Variants in DPYSL2 observed in about 807,000 individuals in gnomAD.
DPYSL2 encodes dihydropyrimidinase-related protein 2.
DPYSL2 carries 13 observed loss-of-function variants against 69.9 expected under a neutral mutation model. The observed-to-expected ratio is 0.19, with a 90% confidence interval of 0.12 to 0.30. The LOEUF (loss-of-function observed/expected upper bound fraction) is 0.30. Ranked by LOEUF, DPYSL2 falls within the 10% of genes least tolerant of loss-of-function variation. The pLI, the probability that DPYSL2 is intolerant of heterozygous loss-of-function variation, is 1.00. For missense variants in DPYSL2, 587 were observed against 918.9 expected (o/e 0.64, Z 4.67); for synonymous variants, 326 against 359.1 (o/e 0.91, Z 1.04).
chr8:26,615,918 A>G (rs1170166976), intron 3 of DPYSL2, among the ~76,000 whole-genome samples: 2 of 152,320 alleles, frequency 1.3e-5, no homozygotes, highest in African/African-American at 4.8e-5. Flanking sequence ...TAAATACTAC[A>G]CAGTGTTTTA....
At chr8:26,651,287 C>A (rs866491943) in intron 11 of DPYSL2, among the ~76,000 whole-genome samples, 1 of 152,198 alleles carries the variant, frequency 6.6e-6, no homozygotes, top group African/African-American at 2.4e-5. Flanking sequence ...TCCGTGTTAC[C>A]AGCCGCTGCA....
chr8:26,611,589 A>G (rs2129854504), intron 3 of DPYSL2, among the ~76,000 whole-genome samples: 1 of 152,342 alleles, frequency 6.6e-6, no homozygotes, highest in South Asian at 2.1e-4. Context: ...TTTCAGATGC[A>G]GAATGCCTGT....
chr8:26,643,088 G>T lies in DPYSL2; in HGVS notation c.1127-351G>T, dbSNP rs1201643974. On this transcript the variant is annotated intron_variant, in intron 8 of 13. Coordinates refer to ENST00000521913, the MANE Select transcript of DPYSL2 (RefSeq NM_001197293.3). This position sits in a 1 kb window ranked among gnomAD's most constrained non-coding sequence, Gnocchi z 6.5. ...TAGGCCATGCATAAAGAACAGTCCA[G>T]ATGGCACCTGGGACCGGATGCCTGG... is the stretch of plus-strand genomic sequence containing the variant. 2 of 234,464 alleles carry T rather than the reference G, an allele frequency of 8.5e-6. No individual in the cohort carries two copies. The highest frequency in any genetic ancestry group is 4.6e-5 in the African/African-American group (2 of 43,490). The allele number at this position is 234,464 out of a possible 1,614,324, so 14.5% of individuals were successfully genotyped here.
rs1245619300 is a variant in DPYSL2, at chr8:26,605,413, G to A, written c.629-18730G>A. The stretch of plus-strand genomic sequence containing the variant: ...TGATTCTCTTGCCTCAGCCTCTCAA[G>A]TAGAGTAGCCAGGATTACATGCACC... On this transcript the variant is annotated intron_variant, in intron 3 of 13. Transcript: ENST00000521913. This position sits in a 1 kb window ranked among gnomAD's most constrained non-coding sequence, Gnocchi z 4.1. 1.3e-5 allele frequency among the ~76,000 whole-genome samples: 2 copies of A among 152,004 alleles called. No individual in the cohort carries two copies. The highest frequency in any genetic ancestry group is 6.6e-5 in the Admixed American group (1 of 15,254).
intron 3 of DPYSL2, among the ~76,000 whole-genome samples, chr8:26,600,496 G>A (rs1273063852): frequency 6.6e-6 from 1 of 152,144 alleles, no homozygotes. Context: ...ATGCGAGTGG[G>A]TGTTAGGTGC....
At chr8:26,553,120 C>T (rs894062650) in intron 1 of DPYSL2, among the ~76,000 whole-genome samples, 11 of 152,228 alleles carry the variant, frequency 7.2e-5, no homozygotes, top group African/African-American at 2.4e-4. Flanking sequence ...AATAGATAAT[C>T]GGAATAGACC....
rs550248083 is a variant in DPYSL2 at position 26,581,229 on chromosome 8, C to T, written c.355-740C>T. Among the ~76,000 whole-genome samples, 15 of 152,228 alleles carry T rather than the reference C, an allele frequency of 9.9e-5. No homozygotes were observed. The South Asian group carries it at 2.9e-3, about 29-fold the overall frequency. On this transcript the variant is annotated intron_variant, in intron 1 of 13. Transcript: ENST00000521913. ...CCCAGTGTATTTGTGTGGTATATCC[C>T]GTGACAGCAGACTTTTTGGTCAATT...
chr8:26,645,314 C>G (rs922214346), intron 10 of DPYSL2, among the ~76,000 whole-genome samples: 30 of 152,050 alleles, frequency 2.0e-4, no homozygotes, highest in African/African-American at 7.2e-4. Context: ...GCAGGAGGAT[C>G]ACCTGAGCCT....
At chr8:26,523,084 A>G (rs1028561583) in intron 1 of DPYSL2, among the ~76,000 whole-genome samples, 2 of 151,904 alleles carry the variant, frequency 1.3e-5, no homozygotes, top group African/African-American at 4.8e-5. Context: ...TTCTATCTGA[A>G]GATCTTGTTC....
chr8:26,645,298 G>C (rs1803137448), intron 10 of DPYSL2, among the ~76,000 whole-genome samples: 3 of 152,084 alleles, frequency 2.0e-5, no homozygotes, highest in African/African-American at 7.2e-5. Flanking sequence ...ACTCGGTGTG[G>C]GGGAGGCAGG....
chr8:26,655,895 A>T lies in DPYSL2; in HGVS notation c.*189A>T. ...CCCCGTCTCTCACCAAGAGTTACTG[A>T]TTTTGCTCATCCACTTCCCTACACA... On this transcript the variant is annotated 3_prime_UTR_variant, in exon 14 of 14. Transcript: ENST00000521913. 2 of 474,598 alleles carry T rather than the reference A, an allele frequency of 4.2e-6. No homozygotes were observed. The highest frequency in any genetic ancestry group is 7.4e-6 in the Non-Finnish European group (2 of 271,858). 29.4% of individuals were successfully genotyped at this position (474,598 alleles called of 1,614,324 possible).
At chr8:26,639,190 T>C (rs964073395) in intron 8 of DPYSL2, among the ~76,000 whole-genome samples, 2 of 152,228 alleles carry the variant, frequency 1.3e-5, no homozygotes, top group Non-Finnish European at 2.9e-5. Context: ...GAGTCCTTAG[T>C]TAAGCTTATG....
intron 3 of DPYSL2, among the ~76,000 whole-genome samples, chr8:26,604,669 T>A (rs1227920331): frequency 1.3e-5 from 2 of 152,076 alleles, no homozygotes; most frequent in African/African-American, 4.8e-5. Flanking sequence ...TTTTTTTTTT[T>A]TGAGACAAGA....
rs555339604 is a variant in DPYSL2 at position 26,594,637 on chromosome 8, A to G, written c.628+10654A>G. On this transcript the variant is annotated intron_variant, in intron 3 of 13. Coordinates refer to ENST00000521913, the MANE Select transcript of DPYSL2 (RefSeq NM_001197293.3). ...TTATCTGTTTTACTTATCCTAATCT[A>G]TCATTAATCTATCATCTTTCTAATC... Among the ~76,000 whole-genome samples the G allele has an allele frequency of 5.3e-5, 8 of 152,212 alleles. No individual in the cohort carries two copies. In the South Asian group the frequency reaches 8.3e-4, roughly 16 times the overall value.
rs1295091044 is a variant in DPYSL2 at position 26,565,573 on chromosome 8, G to A, written c.355-16396G>A. ...AAGGTCATGGGTCAGCAAAGTGAAG[G>A]AACTGAGGGTATGTGTGTATTTCAC... On this transcript the variant is annotated intron_variant, in intron 1 of 13. Transcript: ENST00000521913. This position sits in a 1 kb window ranked among gnomAD's most constrained non-coding sequence, Gnocchi z 4.1. Among the ~76,000 whole-genome samples, 1 of 152,186 alleles carries A rather than the reference G, an allele frequency of 6.6e-6. No individual in the cohort carries two copies. The highest frequency in any genetic ancestry group is 1.5e-5 in the Non-Finnish European group (1 of 68,032).
chr8:26,653,532 A>G lies in DPYSL2; in HGVS notation c.1942+135A>G. ...CCTTTCTCTCCAACGTGAGAAATAC[A>G]GTGGACTCAGATCTCTGGAGATGTA... On this transcript the variant is annotated intron_variant, in intron 13 of 13. Transcript: ENST00000521913. This position sits in a 1 kb window ranked among gnomAD's most constrained non-coding sequence, Gnocchi z 5.7. 1 of 981,214 alleles carries G rather than the reference A, an allele frequency of 1.0e-6. No homozygotes were observed. The highest frequency in any genetic ancestry group is 1.5e-6 in the Non-Finnish European group (1 of 662,326). The allele number at this position is 981,214 out of a possible 1,614,324, so 60.8% of individuals were successfully genotyped here.
At chr8:26,567,949 A>T (rs1383047667) in intron 1 of DPYSL2, among the ~76,000 whole-genome samples, 4 of 152,160 alleles carry the variant, frequency 2.6e-5, no homozygotes, top group African/African-American at 7.2e-5. Context: ...CTGAAGAAAC[A>T]GAGAGAACTC....
intron 1 of DPYSL2, 90 bp from the exon 2 acceptor site, chr8:26,581,879 C>T: frequency 9.8e-7 from 1 of 1,017,326 alleles, no homozygotes; most frequent in South Asian, 1.4e-5. Flanking sequence ...CACTTTTGAA[C>T]AGTGAAAATG....
At position 26,626,690 on chromosome 8, in the gene DPYSL2, G is replaced by T; in HGVS notation, c.855+12G>T. ...TAACGGATTGCCAGGTAAGAAAGTCGGCTTTTCGGAAGAGGCACCCTGACA... is the reference window on the plus strand; with the variant it reads ...TAACGGATTGCCAGGTAAGAAAGTCTGCTTTTCGGAAGAGGCACCCTGACA... On this transcript the variant is annotated intron_variant, in intron 5 of 13. Coordinates refer to ENST00000521913, the MANE Select transcript of DPYSL2 (RefSeq NM_001197293.3). The surrounding 1 kb of genome is among the most constrained non-coding windows in gnomAD (Gnocchi z 4.3). The T allele has an allele frequency of 6.2e-7, 1 of 1,614,070 alleles. No individual in the cohort carries two copies. Among genetic ancestry groups the T allele is most frequent in the South Asian group, 1.1e-5 (1 of 91,076 alleles).
Sources: allele counts gnomAD v4.1 joint callset (sites outside exome capture counted in the v4.1 genomes callset), GRCh38; gene constraint gnomAD v4.1.1; non-coding constraint Gnocchi (gnomAD v3.1); transcripts MANE v1.5; gene names NCBI Gene and HGNC (gene_info 2026-07-23, HGNC 2026-07-21).